Variants in MITF observed in about 807,000 individuals in gnomAD.
MITF encodes the protein microphthalmia-associated transcription factor.
Under a neutral mutation model 60.5 loss-of-function variants are expected in MITF, and 17 were observed. The observed-to-expected ratio is 0.28, with a 90% confidence interval of 0.19 to 0.42. The LOEUF (loss-of-function observed/expected upper bound fraction) is 0.42, where lower values mean the gene tolerates loss of function less well. Among genes scored for constraint, MITF ranks in the 10% least tolerant of loss-of-function variants. The probability of loss-of-function intolerance (pLI) is 1.00; values close to 1 mark genes in which losing one functional copy is unlikely to be tolerated. For missense variants in MITF, 622 were observed against 683.5 expected (o/e 0.91, Z 1.00); for synonymous variants, 260 against 248.5 (o/e 1.05, Z -0.43).
intron 2 of MITF, among the ~76,000 whole-genome samples, chr3:69,934,284 G>A (rs1374356853): frequency 2.0e-5 from 3 of 152,106 alleles, no homozygotes; most frequent in African/African-American, 7.2e-5. Flanking sequence ...AGAGTTTTCC[G>A]AAGGCTACAT....
intron 1 of MITF, among the ~76,000 whole-genome samples, chr3:69,820,356 T>C (rs913205763): frequency 6.6e-6 from 1 of 152,194 alleles, no homozygotes; most frequent in Non-Finnish European, 1.5e-5. Flanking sequence ...TACACTTTGA[T>C]GTGACTCTTT....
At chr3:69,786,837 A>T (rs1397135203) in intron 1 of MITF, among the ~76,000 whole-genome samples, 1 of 152,200 alleles carries the variant, frequency 6.6e-6, no homozygotes, top group Non-Finnish European at 1.5e-5. Flanking sequence ...AACTACAGCA[A>T]CAAAGGAGAT....
intron 6 of MITF, among the ~76,000 whole-genome samples, chr3:69,951,182 C>G (rs953505574): frequency 2.7e-5 from 4 of 149,528 alleles, no homozygotes; most frequent in Non-Finnish European, 5.9e-5. Flanking sequence ...ACTACAACCT[C>G]GACCTCCTGG....
chr3:69,757,621 T>G (rs1451265435), intron 1 of MITF, among the ~76,000 whole-genome samples: 1 of 151,984 alleles, frequency 6.6e-6, no homozygotes, highest in Non-Finnish European at 1.5e-5. Flanking sequence ...TAGGACACCC[T>G]GAACTTGGGG....
At chr3:69,751,347 G>T (rs549940174) in intron 1 of MITF, among the ~76,000 whole-genome samples, 1 of 152,270 alleles carries the variant, frequency 6.6e-6, no homozygotes, top group Admixed American at 6.5e-5. Context: ...TGTCACAAAT[G>T]AGGATGTCCT....
At chr3:69,958,994 G>T (rs1420115108) in intron 8 of MITF, among the ~76,000 whole-genome samples, 1 of 147,826 alleles carries the variant, frequency 6.8e-6, no homozygotes, top group Non-Finnish European at 1.5e-5. Flanking sequence ...TGGACTTTGG[G>T]GACTTGCGGG....
intron 1 of MITF, among the ~76,000 whole-genome samples, chr3:69,780,136 GA>G (rs1344139478): frequency 3.3e-5 from 5 of 152,238 alleles, no homozygotes; most frequent in African/African-American, 7.2e-5. Flanking sequence ...GTTAAAAGAT[GA>G]TCTAATAGAG....
chr3:69,805,317 T>C, intron 1 of MITF, among the ~76,000 whole-genome samples: 1 of 152,338 alleles, frequency 6.6e-6, no homozygotes, highest in Middle Eastern at 3.4e-3. Context: ...ATTTTAATGG[T>C]AACTTTGATG....
intron 2 of MITF, among the ~76,000 whole-genome samples, chr3:69,930,080 C>T (rs551069123): frequency 9.9e-5 from 15 of 152,064 alleles, no homozygotes; most frequent in African/African-American, 3.4e-4. Flanking sequence ...TGCAGAAGAC[C>T]GTGGGAGGAG....
At chr3:69,823,379 G>C (rs758299203) in intron 1 of MITF, among the ~76,000 whole-genome samples, 3 of 152,096 alleles carry the variant, frequency 2.0e-5, no homozygotes, top group Non-Finnish European at 4.4e-5. Context: ...CAAGGTGCTG[G>C]CAGATTTGAT....
At chr3:69,830,654 C>A (rs1196102973) in intron 1 of MITF, among the ~76,000 whole-genome samples, 3 of 152,142 alleles carry the variant, frequency 2.0e-5, no homozygotes, top group Non-Finnish European at 4.4e-5. Flanking sequence ...ACTGCTGTAT[C>A]CCCCACACTT....
At chr3:69,766,519 A>C (rs959955656) in intron 1 of MITF, among the ~76,000 whole-genome samples, 1 of 150,064 alleles carries the variant, frequency 6.7e-6, no homozygotes, top group East Asian at 2.0e-4. Flanking sequence ...GAGCCACCGC[A>C]CCTAGCCTCT....
intron 2 of MITF, among the ~76,000 whole-genome samples, chr3:69,920,948 A>C (rs1482598440): frequency 1.3e-5 from 2 of 151,814 alleles, no homozygotes; most frequent in African/African-American, 2.4e-5. Flanking sequence ...GCTCACTGCA[A>C]CCTCCACCTC....
intron 7 of MITF, among the ~76,000 whole-genome samples, chr3:69,956,108 T>C (rs1042657407): frequency 5.3e-5 from 8 of 152,218 alleles, no homozygotes; most frequent in African/African-American, 1.9e-4. Context: ...AGGGGTTAGG[T>C]TAGAATTTGG....
intron 1 of MITF, among the ~76,000 whole-genome samples, chr3:69,739,904 G>T (rs992696868): frequency 2.0e-5 from 3 of 152,134 alleles, no homozygotes; most frequent in Non-Finnish European, 4.4e-5. Flanking sequence ...CGGATGGAGC[G>T]CACTTCGCGG....
chr3:69,770,000 C>T (rs1016146227), intron 1 of MITF, among the ~76,000 whole-genome samples: 2 of 152,140 alleles, frequency 1.3e-5, no homozygotes, highest in Non-Finnish European at 2.9e-5. Flanking sequence ...TCTAGCAATG[C>T]TAGTTTGGTA....
intron 1 of MITF, among the ~76,000 whole-genome samples, chr3:69,789,951 G>T (rs2062713452): frequency 6.6e-6 from 1 of 152,032 alleles, no homozygotes; most frequent in Admixed American, 6.6e-5. Flanking sequence ...TGAAAGCAGG[G>T]TCCTATAGAT....
At chr3:69,875,712 A>T (rs2064338780) in intron 1 of MITF, among the ~76,000 whole-genome samples, 1 of 152,238 alleles carries the variant, frequency 6.6e-6, no homozygotes, top group Non-Finnish European at 1.5e-5. Context: ...GGAGCTTAAG[A>T]CATTATGCTC....
chr3:69,759,163 A>G (rs1170235472), intron 1 of MITF, among the ~76,000 whole-genome samples: 1 of 152,216 alleles, frequency 6.6e-6, no homozygotes, highest in Non-Finnish European at 1.5e-5. Context: ...CATTTAATCA[A>G]TCTATCAATA....
Sources: gnomAD v4.1 joint callset for allele counts (sites outside exome capture counted in the v4.1 genomes callset) on GRCh38, gnomAD v4.1.1 for gene constraint, MANE v1.5 for transcripts, NCBI Gene and HGNC (gene_info 2026-07-23, HGNC 2026-07-21) for gene names.